PGAP2: variants seen among roughly 807,000 people sequenced by gnomAD.
PGAP2 encodes the protein acyltransferase PGAP2.
A neutral mutation model predicts 33.2 loss-of-function variants in PGAP2; 21 were observed. The ratio of observed to expected loss-of-function variants is 0.63; its 90% CI spans 0.45 to 0.91. The LOEUF (loss-of-function observed/expected upper bound fraction) is 0.91. Among genes scored for constraint, PGAP2 ranks in the 40% least tolerant of loss-of-function variants. The probability of loss-of-function intolerance (pLI) is 0.00; values close to 1 mark genes in which losing one functional copy is unlikely to be tolerated. For missense variants in PGAP2, 345 were observed against 424.0 expected, an observed-to-expected ratio of 0.81 and a Z score of 1.64; for synonymous variants, 161 against 172.9, an observed-to-expected ratio of 0.93 and a Z score of 0.54.
intron 3 of PGAP2, among the ~76,000 whole-genome samples, chr11:3,823,155 C>T (rs892791469): frequency 3.3e-5 from 5 of 150,294 alleles, no homozygotes; most frequent in Non-Finnish European, 7.4e-5. Flanking sequence ...TTCTGATCAG[C>T]CTCCTGAGTA....
chr11:3,823,024 C>CTTTTTTTTTTTTTTTTTTT (rs746736798), intron 3 of PGAP2: 117 of 307,710 alleles, frequency 3.8e-4, no homozygotes, highest in South Asian at 1.2e-3. Context: ...TTTTTCTTTT[C>CTTTTTTTTTTTTTTTTTTT]TTTTTTTTTT....
At chr11:3,798,272 A>G (rs923321489) in intron 1 of PGAP2, among the ~76,000 whole-genome samples, 16 of 152,356 alleles carry the variant, frequency 1.1e-4, no homozygotes, top group Middle Eastern at 6.8e-3. Flanking sequence ...AGGGCCTGGT[A>G]CAAATGAGGA....
intron 3 of PGAP2, chr11:3,818,025 G>A: frequency 3.5e-6 from 1 of 289,732 alleles, no homozygotes; most frequent in Non-Finnish European, 6.8e-6. Flanking sequence ...CAGCCTGGGT[G>A]ACAGGAGTAA....
At position 3,811,040 on chromosome 11, in the gene PGAP2, C is replaced by T. The variant is rs2085454125; in HGVS notation, c.-10-210C>T. On this transcript the variant is annotated intron_variant, in intron 1 of 6. Transcript: ENST00000278243. This position sits in a 1 kb window ranked among gnomAD's most constrained non-coding sequence, Gnocchi z 4.6. ...AGCACAGATTTGGTTCATTGTCTTCCCTCTGAAATTGAGGTGGAATGTTGT... is the reference window on the plus strand; with the variant it reads ...AGCACAGATTTGGTTCATTGTCTTCTCTCTGAAATTGAGGTGGAATGTTGT... Among the ~76,000 whole-genome samples, 1 of 152,168 alleles carries T rather than the reference C, an allele frequency of 6.6e-6. No individual in the cohort carries two copies. Among genetic ancestry groups the T allele is most frequent in the Non-Finnish European group, 1.5e-5 (1 of 68,036 alleles).
rs1396419363 is a variant in PGAP2 at position 3,824,352 on chromosome 11, C to T, written c.684C>T (p.Thr228=). ...MLLTCILWRL[T]KKHTVSQEDR... Reference sequence around the variant, plus strand: ...TCACCTGCATTCTCTGGCGGTTGACCAAGAAGCACACAGTAAGTCAGGAGG... The same window carrying T: ...TCACCTGCATTCTCTGGCGGTTGACTAAGAAGCACACAGTAAGTCAGGAGG... The change falls in exon 5 of 7, where the codon ACC becomes ACT. Residue 228 remains threonine (T), a synonymous_variant. Coordinates refer to ENST00000278243, the MANE Select transcript of PGAP2 (RefSeq NM_014489.4). 1.2e-6 allele frequency: 2 copies of T among 1,614,158 alleles called. No individual in the cohort carries two copies. Among genetic ancestry groups the T allele is most frequent in the Non-Finnish European group, 1.7e-6 (2 of 1,179,988 alleles).
At chr11:3,801,904 C>T (rs574013293) in intron 1 of PGAP2, among the ~76,000 whole-genome samples, 7 of 152,104 alleles carry the variant, frequency 4.6e-5, no homozygotes, top group African/African-American at 7.2e-5. Context: ...AAGATTGCAC[C>T]ACCATACTCC....
chr11:3,813,433 G>A (rs1310490351), intron 2 of PGAP2, among the ~76,000 whole-genome samples: 1 of 152,160 alleles, frequency 6.6e-6, no homozygotes, highest in African/African-American at 2.4e-5. Flanking sequence ...GCCTAGGCTG[G>A]AGTGCAGTGG....
intron 2 of PGAP2, among the ~76,000 whole-genome samples, chr11:3,815,825 C>T (rs986445989): frequency 4.3e-4 from 66 of 152,328 alleles, no homozygotes; most frequent in Admixed American, 1.9e-3. Context: ...TTGTTGAGAT[C>T]TCTTTTGTAT....
exon 1 of PGAP2, chr11:3,797,836 G>T: frequency 1.3e-6 from 2 of 1,550,282 alleles, no homozygotes; most frequent in Non-Finnish European, 1.7e-6. Flanking sequence ...CTCGAAGTGG[G>T]CTTGTGAATG....
At position 3,811,149 on chromosome 11, in the gene PGAP2, C is replaced by T; in HGVS notation, c.-10-101C>T. ...CTTCCTCCTCAGACTCCCCACCCCACAGCACACAGCTAATTTTAGGACTGA... is the reference window on the plus strand; with the variant it reads ...CTTCCTCCTCAGACTCCCCACCCCATAGCACACAGCTAATTTTAGGACTGA... On this transcript the variant is annotated intron_variant, in intron 1 of 6. Transcript: ENST00000278243. This position sits in a 1 kb window ranked among gnomAD's most constrained non-coding sequence, Gnocchi z 4.6. 2 of 1,119,384 alleles carry T rather than the reference C, an allele frequency of 1.8e-6. No individual in the cohort carries two copies. Among genetic ancestry groups the T allele is most frequent in the Non-Finnish European group, 2.6e-6 (2 of 777,688 alleles). 69.3% of individuals were successfully genotyped at this position (1,119,384 alleles called of 1,614,324 possible).
intron 6 of PGAP2, 88 bp from the exon 7 acceptor site, chr11:3,825,240 C>A: frequency 1.3e-6 from 2 of 1,554,534 alleles, no homozygotes; most frequent in Non-Finnish European, 1.8e-6. Context: ...TTCTCTGTGG[C>A]AGACCAATGG....
At position 3,825,202 on chromosome 11, in the gene PGAP2, A is replaced by G. The variant is rs1044060022; in HGVS notation, c.817+74A>G. 8.9e-6 allele frequency: 14 copies of G among 1,567,364 alleles called. No homozygotes were observed. The African/African-American group carries it at 1.4e-4, about 15-fold the overall frequency. ...GCAATGATGTTTTTGATAATGGGCA[A>G]TGGTCTTGGGGACTGGCTGCCATTG... is the stretch of plus-strand genomic sequence containing the variant. On this transcript the variant is annotated intron_variant, in intron 6 of 6. Transcript: ENST00000278243.
In PGAP2 at chr11:3,808,663, C is replaced by A; in HGVS notation, c.-11+12C>A. On this transcript the variant is annotated intron_variant, in intron 1 of 6. Coordinates refer to ENST00000278243, the MANE Select transcript of PGAP2 (RefSeq NM_014489.4). ...CCACCACCGCGTGGGTGAGTATGGG[C>A]ATGGATGTGCTGGGCTGCCGGGCAG... is the stretch of plus-strand genomic sequence containing the variant. The A allele has an allele frequency of 1.7e-5, 20 of 1,193,478 alleles. No homozygotes were observed. Among genetic ancestry groups the A allele is most frequent in the Non-Finnish European group, 2.0e-5 (19 of 957,678 alleles). The allele number at this position is 1,193,478 out of a possible 1,614,324, so 73.9% of individuals were successfully genotyped here.
intron 5 of PGAP2, 162 bp downstream of exon 5, chr11:3,824,538 T>C (rs1202350471): frequency 5.5e-6 from 6 of 1,093,444 alleles, no homozygotes; most frequent in East Asian, 2.6e-5. Flanking sequence ...AAACTGAGGG[T>C]GGTTGGTCAG....
chr11:3,803,746 CA>C (rs1187516293), upstream of PGAP2, among the ~76,000 whole-genome samples: 3 of 149,744 alleles, frequency 2.0e-5, no homozygotes, highest in African/African-American at 4.9e-5. Context: ...GGCTTTTAAC[CA>C]GAACATTTAG....
At chr11:3,816,876 A>G (rs1411043731) in intron 2 of PGAP2, among the ~76,000 whole-genome samples, 11 of 152,210 alleles carry the variant, frequency 7.2e-5, no homozygotes, top group Admixed American at 4.6e-4. Context: ...TTGGCCTGAA[A>G]GAAGCCATGA....
chr11:3,808,476 C>T (rs1242666497), upstream of PGAP2: 8 of 1,447,138 alleles, frequency 5.5e-6, 1 homozygote, highest in Admixed American at 7.8e-5. Context: ...TCGGGGTCTC[C>T]AGAAGCGGGG....
At chr11:3,823,701 T>G (rs751681222) in intron 3 of PGAP2, 182 bp from the exon 4 acceptor site, 8 of 1,589,454 alleles carry the variant, frequency 5.0e-6, no homozygotes, top group Non-Finnish European at 1.7e-6. Flanking sequence ...AATCCAGCAC[T>G]TTGGGCCTAG....
chr11:3,823,087 A>AGT (rs2089260484), intron 3 of PGAP2: 1 of 542,200 alleles, frequency 1.8e-6, no homozygotes, highest in African/African-American at 2.5e-5. Flanking sequence ...CCCAAGCTGG[A>AGT]GTGCAGTGGC....
Sources: gnomAD v4.1 joint callset for allele counts (sites outside exome capture counted in the v4.1 genomes callset) on GRCh38, gnomAD v4.1.1 for gene constraint, Gnocchi (gnomAD v3.1) non-coding constraint, MANE v1.5 for transcripts, NCBI Gene and HGNC (gene_info 2026-07-23, HGNC 2026-07-21) for gene names.